CCSER1: variants seen among roughly 807,000 people sequenced by gnomAD.
CCSER1 encodes the protein serine-rich coiled-coil domain-containing protein 1.
Under a neutral mutation model 82.0 loss-of-function variants are expected in CCSER1, and 41 were observed. That is an observed-to-expected ratio of 0.50 (90% CI 0.39 to 0.65). The LOEUF (loss-of-function observed/expected upper bound fraction) is 0.65, where lower values mean the gene tolerates loss of function less well. CCSER1 is among the 30% of genes least tolerant of loss of function. CCSER1 has a pLI of 0.00. For missense variants in CCSER1, 1,119 were observed against 1,064.2 expected (o/e 1.05, Z -0.72); for synonymous variants, 414 against 383.9 (o/e 1.08, Z -0.92).
At chr4:90,460,329 A>AAAAAAAAAAAAAAAAC in intron 4 of CCSER1, among the ~76,000 whole-genome samples, 1 of 143,102 alleles carries the variant, frequency 7.0e-6, no homozygotes, top group African/African-American at 2.9e-5. Context: ...CGTCTCAAAA[A>AAAAAAAAAAAAAAAAC]AAAAAAAAAA....
At chr4:91,422,737 G>A (rs1032649470) in intron 10 of CCSER1, among the ~76,000 whole-genome samples, 4 of 152,052 alleles carry the variant, frequency 2.6e-5, no homozygotes, top group African/African-American at 4.8e-5. Flanking sequence ...GATCCTGCAC[G>A]TTGCCTTTAG....
At chr4:90,356,255 T>C (rs944570007) in intron 3 of CCSER1, among the ~76,000 whole-genome samples, 1 of 151,868 alleles carries the variant, frequency 6.6e-6, no homozygotes, top group Non-Finnish European at 1.5e-5. Flanking sequence ...TTAAGTCTTA[T>C]AACATTTCTT....
chr4:91,125,693 T>C (rs1397266470), intron 10 of CCSER1, among the ~76,000 whole-genome samples: 1 of 151,718 alleles, frequency 6.6e-6, no homozygotes, highest in Non-Finnish European at 1.5e-5. Context: ...AGGCCTATTT[T>C]ATTTCTTGAA....
intron 1 of CCSER1, among the ~76,000 whole-genome samples, chr4:90,167,561 TGC>T (rs1487205074): frequency 2.6e-5 from 4 of 152,292 alleles, no homozygotes; most frequent in African/African-American, 7.2e-5. Flanking sequence ...GCCATGTTGG[TGC>T]GCCGCACCCA....
intron 4 of CCSER1, among the ~76,000 whole-genome samples, chr4:90,413,948 C>T (rs1578356200): frequency 4.5e-5 from 1 of 22,352 alleles, no homozygotes; most frequent in Non-Finnish European, 9.0e-5. Flanking sequence ...GACACCGTCT[C>T]AAAAAAAAAA....
intron 5 of CCSER1, among the ~76,000 whole-genome samples, chr4:90,493,734 C>T (rs779758158): frequency 6.6e-5 from 10 of 152,192 alleles, no homozygotes; most frequent in East Asian, 1.9e-4. Context: ...TTGTCACCAC[C>T]GCTCCTGCCC....
At chr4:90,562,018 G>A (rs751682624) in intron 5 of CCSER1, among the ~76,000 whole-genome samples, 4 of 151,784 alleles carry the variant, frequency 2.6e-5, no homozygotes, top group African/African-American at 7.3e-5. Flanking sequence ...GTGAAACCCC[G>A]TCTCTACTAA....
chr4:90,355,355 G>T (rs1718486723), intron 3 of CCSER1, among the ~76,000 whole-genome samples: 1 of 151,942 alleles, frequency 6.6e-6, no homozygotes, highest in Non-Finnish European at 1.5e-5. Flanking sequence ...AATTTTATCA[G>T]CATTCCTATT....
chr4:90,772,211 C>G (rs959595665), intron 7 of CCSER1, among the ~76,000 whole-genome samples: 17 of 152,120 alleles, frequency 1.1e-4, no homozygotes, highest in African/African-American at 3.6e-4. Context: ...TATTGTTATT[C>G]AAAGATAATG....
At chr4:90,549,908 G>GAA (rs1247070571) in intron 5 of CCSER1, among the ~76,000 whole-genome samples, 3 of 151,908 alleles carry the variant, frequency 2.0e-5, no homozygotes, top group Non-Finnish European at 4.4e-5. Context: ...CAATTATATT[G>GAA]AATAAGTCTT....
intron 9 of CCSER1, among the ~76,000 whole-genome samples, chr4:90,995,899 G>A (rs994897077): frequency 6.6e-6 from 1 of 151,846 alleles, no homozygotes; most frequent in African/African-American, 2.4e-5. Flanking sequence ...ATGATAATTT[G>A]ATTTAACTAT....
chr4:91,261,862 G>T (rs1292943087), intron 10 of CCSER1, among the ~76,000 whole-genome samples: 6 of 151,884 alleles, frequency 4.0e-5, no homozygotes, highest in Admixed American at 3.9e-4. Context: ...TCCATTTTTT[G>T]TACCTTTATT....
intron 5 of CCSER1, among the ~76,000 whole-genome samples, chr4:90,488,163 T>C (rs1488515671): frequency 6.6e-6 from 1 of 152,132 alleles, no homozygotes; most frequent in Non-Finnish European, 1.5e-5. Flanking sequence ...TTAAGTCCTC[T>C]CTATTTTTAT....
intron 5 of CCSER1, among the ~76,000 whole-genome samples, chr4:90,595,997 G>A (rs1329791263): frequency 6.6e-6 from 1 of 151,888 alleles, no homozygotes; most frequent in Admixed American, 6.6e-5. Flanking sequence ...AGTACTAACT[G>A]ATTCTTGGAT....
chr4:90,941,377 T>C (rs1731563082), intron 9 of CCSER1, among the ~76,000 whole-genome samples: 1 of 152,144 alleles, frequency 6.6e-6, no homozygotes, highest in South Asian at 2.1e-4. Flanking sequence ...TATGTTATTA[T>C]ATGTAGATGT....
chr4:90,133,627 T>C (rs1362425992), intron 1 of CCSER1, among the ~76,000 whole-genome samples: 6 of 152,226 alleles, frequency 3.9e-5, no homozygotes, highest in Non-Finnish European at 5.9e-5. Context: ...ATCACCTTTA[T>C]ACCACTGTTT....
At chr4:91,017,294 A>G (rs1561473783) in intron 9 of CCSER1, 1 of 152,194 alleles carries the variant, frequency 6.6e-6, no homozygotes, top group African/African-American at 2.4e-5. Context: ...AAGAGAACAG[A>G]ATCGGTGGAG....
chr4:91,090,744 C>G (rs1723861214), intron 10 of CCSER1, among the ~76,000 whole-genome samples: 1 of 152,180 alleles, frequency 6.6e-6, no homozygotes, highest in African/African-American at 2.4e-5. Context: ...AAACAAATTT[C>G]TAGTTTTTCC....
chr4:91,496,872 A>T (rs115322499), intron 10 of CCSER1, among the ~76,000 whole-genome samples: 1 of 129,402 alleles, frequency 7.7e-6, no homozygotes, highest in Admixed American at 8.7e-5. Flanking sequence ...TTGAATATAT[A>T]TATTCAATTC....
Sources: gnomAD v4.1 joint callset for allele counts (sites outside exome capture counted in the v4.1 genomes callset) on GRCh38, gnomAD v4.1.1 for gene constraint, MANE v1.5 for transcripts, NCBI Gene and HGNC (gene_info 2026-07-23, HGNC 2026-07-21) for gene names.